The following SKAP1 variants were observed in gnomAD, a reference collection of about 807,000 sequenced individuals.
The protein encoded by SKAP1 is src kinase-associated phosphoprotein 1.
SKAP1 carries 44 observed loss-of-function variants against 58.5 expected under a neutral mutation model. The observed-to-expected ratio is 0.75, with a 90% CI of 0.59 to 0.97. SKAP1 has a LOEUF of 0.97. Ranked by LOEUF, SKAP1 falls within the 50% of genes least tolerant of loss-of-function variation. The pLI is 0.00. For synonymous variants in SKAP1, 127 were observed against 149.7 expected, an observed-to-expected ratio of 0.85 and a Z score of 1.11; for missense variants, 390 against 435.2, an observed-to-expected ratio of 0.90 and a Z score of 0.92.
chr17:48,385,236 G>C (rs968781359), intron 2 of SKAP1, among the ~76,000 whole-genome samples: 2 of 151,936 alleles, frequency 1.3e-5, no homozygotes, highest in African/African-American at 4.8e-5. Context: ...AAAGGGGACT[G>C]AATAGTGACT....
chr17:48,286,929 C>T (rs559368086), intron 4 of SKAP1, among the ~76,000 whole-genome samples: 27 of 152,192 alleles, frequency 1.8e-4, no homozygotes, highest in African/African-American at 6.5e-4. Flanking sequence ...AACCCTGTCT[C>T]TACTAATAAC....
intron 9 of SKAP1, among the ~76,000 whole-genome samples, chr17:48,171,137 T>C (rs1359316653): frequency 6.8e-6 from 1 of 147,568 alleles, no homozygotes; most frequent in East Asian, 2.0e-4. Flanking sequence ...TTTCACTCTT[T>C]GTTGCCCAGG....
intron 4 of SKAP1, among the ~76,000 whole-genome samples, chr17:48,243,723 A>T (rs1249582868): frequency 6.6e-6 from 1 of 152,200 alleles, no homozygotes; most frequent in East Asian, 1.9e-4. Flanking sequence ...TATATATATA[A>T]AACAGGCTTC....
intron 4 of SKAP1, among the ~76,000 whole-genome samples, 198 bp downstream of exon 4, chr17:48,345,707 T>C (rs1179766268): frequency 6.6e-6 from 1 of 152,212 alleles, no homozygotes; most frequent in Non-Finnish European, 1.5e-5. Context: ...CCTAAGTACA[T>C]TAACTTCAGA....
chr17:48,178,141 C>A (rs1028799666), intron 9 of SKAP1, among the ~76,000 whole-genome samples: 8 of 152,088 alleles, frequency 5.3e-5, no homozygotes, highest in Admixed American at 2.6e-4. Context: ...GCCAATCATA[C>A]CTTCATTGCC....
the SKAP1 span, among the ~76,000 whole-genome samples, chr17:48,442,403 A>G: frequency 6.6e-6 from 1 of 152,168 alleles, no homozygotes; most frequent in Non-Finnish European, 1.5e-5. Flanking sequence ...TCATTATAGA[A>G]AAGTTTCCAA....
intron 8 of SKAP1, 68 bp from the exon 9 acceptor site, chr17:48,180,316 G>A (rs907190402): frequency 3.3e-6 from 4 of 1,211,990 alleles, no homozygotes; most frequent in African/African-American, 3.1e-5. Context: ...AAAGGAAAGA[G>A]GGAGAAGGAG....
At chr17:48,170,320 G>A (rs537240809) in intron 10 of SKAP1, among the ~76,000 whole-genome samples, 1 of 152,284 alleles carries the variant, frequency 6.6e-6, no homozygotes, top group East Asian at 1.9e-4. Context: ...TCACTGTACT[G>A]ATATAAGAAA....
intron 11 of SKAP1, among the ~76,000 whole-genome samples, chr17:48,138,184 G>A (rs1399210529): frequency 6.6e-6 from 1 of 152,024 alleles, no homozygotes; most frequent in East Asian, 1.9e-4. Flanking sequence ...AAGCACAGCA[G>A]ATGTTGAAGA....
At chr17:48,220,613 T>C (rs1485094610) in intron 4 of SKAP1, among the ~76,000 whole-genome samples, 1 of 151,598 alleles carries the variant, frequency 6.6e-6, no homozygotes, top group Non-Finnish European at 1.5e-5. Context: ...TCCCAGCACT[T>C]TGGGAGGCTG....
intron 1 of SKAP1, among the ~76,000 whole-genome samples, chr17:48,399,366 C>G (rs1277538189): frequency 3.3e-5 from 5 of 152,106 alleles, no homozygotes; most frequent in African/African-American, 1.2e-4. Flanking sequence ...AAGTCAACAG[C>G]CTTTCGTGAT....
intron 4 of SKAP1, among the ~76,000 whole-genome samples, chr17:48,203,122 A>G (rs1279478894): frequency 6.6e-6 from 1 of 152,240 alleles, no homozygotes; most frequent in African/African-American, 2.4e-5. Context: ...GAAAACATTA[A>G]AGTTAATGCA....
chr17:48,152,794 T>A (rs7223867), intron 11 of SKAP1, among the ~76,000 whole-genome samples: 84,957 of 152,084 alleles, frequency 0.56, 24,722 homozygotes, highest in East Asian at 0.77. Flanking sequence ...AACAGTGAAT[T>A]TATTATTACC....
At position 48,275,162 on chromosome 17, in the gene SKAP1, A is replaced by G. The variant is rs866983102; in HGVS notation, c.280+70743T>C. Among the ~76,000 whole-genome samples, 3 of 152,132 alleles carry G rather than the reference A, an allele frequency of 2.0e-5. No individual in the cohort carries two copies. In the South Asian group the frequency reaches 6.2e-4, roughly 32 times the overall value. On this transcript the variant is annotated intron_variant, in intron 4 of 12. Coordinates refer to ENST00000336915, the MANE Select transcript of SKAP1 (RefSeq NM_003726.4). ...ATGCTTCCACTTGTCACTTCCCATTACTTCCTCAACCATGGAGTTTTGGCT... is the reference window on the plus strand; with the variant it reads ...ATGCTTCCACTTGTCACTTCCCATTGCTTCCTCAACCATGGAGTTTTGGCT...
intron 4 of SKAP1, among the ~76,000 whole-genome samples, chr17:48,216,939 A>T (rs758909216): frequency 2.6e-5 from 4 of 152,242 alleles, no homozygotes; most frequent in African/African-American, 9.6e-5. Context: ...TTCTAATACA[A>T]GAAGCAAAAA....
At chr17:48,158,971 A>G (rs2064031751) in intron 11 of SKAP1, among the ~76,000 whole-genome samples, 1 of 151,618 alleles carries the variant, frequency 6.6e-6, no homozygotes, top group South Asian at 2.1e-4. Context: ...AAAAGAAAAA[A>G]AAAAAAAAAA....
At chr17:48,189,314 G>A (rs1337887677) in intron 5 of SKAP1, 109 bp downstream of exon 5, 9 of 866,658 alleles carry the variant, frequency 1.0e-5, no homozygotes, top group East Asian at 4.9e-5. Context: ...CCTTGTATCC[G>A]CCTAGCACAG....
chr17:48,187,857 T>C lies in SKAP1; in HGVS notation c.428A>G (p.Tyr143Cys), dbSNP rs371478605. Residue 143 changes from tyrosine (Y) to cysteine (C), a missense_variant, in exon 6 of 13, where the codon TAT becomes TGT. Tyr to Cys is a radical substitution (Grantham distance 194). Transcript: ENST00000336915. ...CVVSRGLFYY[Y>C]ANEKSKQPKG... The stretch of plus-strand genomic sequence containing the variant: ...AGAACACTTACTCTTCTCATTAGCA[T>C]AGTAGTAGAAGAGACCTCTGCTGAC... The C allele has an allele frequency of 7.5e-5, 121 of 1,609,016 alleles. No individual in the cohort carries two copies. The highest frequency in any genetic ancestry group is 1.0e-4 in the Non-Finnish European group (119 of 1,175,456).
intron 4 of SKAP1, among the ~76,000 whole-genome samples, chr17:48,293,666 T>C (rs939558846): frequency 5.3e-5 from 8 of 152,240 alleles, no homozygotes; most frequent in Non-Finnish European, 1.2e-4. Flanking sequence ...TGATAGCATC[T>C]ATAATACTAT....
Sources: allele counts gnomAD v4.1 joint callset (sites outside exome capture counted in the v4.1 genomes callset), GRCh38; gene constraint gnomAD v4.1.1; transcripts MANE v1.5; gene names NCBI Gene and HGNC (gene_info 2026-07-23, HGNC 2026-07-21).